The following ZEB1 variants were observed in gnomAD, a reference collection of about 807,000 sequenced individuals.
ZEB1 encodes zinc finger E-box-binding homeobox 1.
ZEB1 carries 21 observed loss-of-function variants against 84.9 expected under a neutral mutation model. The ratio of observed to expected loss-of-function variants is 0.25; its 90% CI spans 0.18 to 0.36. ZEB1 has a LOEUF of 0.36. ZEB1 is among the 10% of genes least tolerant of loss of function. ZEB1 has a pLI of 1.00. For synonymous variants in ZEB1, 420 were observed against 471.1 expected (o/e 0.89, Z 1.41); for missense variants, 1,104 against 1,330.2 (o/e 0.83, Z 2.65).
intron 1 of ZEB1, among the ~76,000 whole-genome samples, chr10:31,442,450 C>T (rs1388449752): frequency 1.3e-5 from 2 of 151,944 alleles, no homozygotes; most frequent in Non-Finnish European, 2.9e-5. Flanking sequence ...GGAGATACAC[C>T]TAATGTAAAT....
intron 1 of ZEB1, among the ~76,000 whole-genome samples, chr10:31,393,436 T>A (rs191652054): frequency 0.015 from 2,311 of 152,328 alleles, 36 homozygotes; most frequent in Non-Finnish European, 0.021. Context: ...ATTTTTACTT[T>A]GTATTCATCA....
chr10:31,488,805 A>T (rs146052387), intron 2 of ZEB1, among the ~76,000 whole-genome samples: 184 of 151,128 alleles, frequency 1.2e-3, no homozygotes, highest in African/African-American at 4.3e-3. Flanking sequence ...TCTTTTTCCT[A>T]TTGACATCTG....
chr10:31,363,222 C>T (rs763762514), intron 1 of ZEB1: 55 of 1,533,860 alleles, frequency 3.6e-5, no homozygotes, highest in Admixed American at 1.2e-4. Flanking sequence ...CCTTCAAGGC[C>T]GCCTTCTCTG....
At chr10:31,510,374 CA>C (rs904968191) in intron 4 of ZEB1, among the ~76,000 whole-genome samples, 1 of 152,108 alleles carries the variant, frequency 6.6e-6, no homozygotes, top group Non-Finnish European at 1.5e-5. Flanking sequence ...AATCACATGA[CA>C]AAAGGGAAGA....
rs200394515 is a variant in ZEB1, at chr10:31,452,662, T to C, written c.59-8375T>C. 1.8e-4 allele frequency among the ~76,000 whole-genome samples: 28 copies of C among 151,454 alleles called. No individual in the cohort carries two copies. The East Asian group carries it at 2.5e-3, about 14-fold the overall frequency. On this transcript the variant is annotated intron_variant, in intron 1 of 8. Coordinates refer to ENST00000424869, the MANE Select transcript of ZEB1 (RefSeq NM_001174096.2). ...TCAGCAAATAATTCTATACCTACTA[T>C]GTAGAAGGCAGTATGCCAGTGACTG... is the stretch of plus-strand genomic sequence containing the variant.
chr10:31,415,884 C>T (rs569361987), intron 1 of ZEB1, among the ~76,000 whole-genome samples: 91 of 152,126 alleles, frequency 6.0e-4, no homozygotes, highest in African/African-American at 1.9e-3. Flanking sequence ...CTCAGAATTT[C>T]TCCAGTGTTT....
rs767580895 is a variant in ZEB1 at position 31,461,040 on chromosome 10, C to T, written c.62C>T (p.Thr21Ile). ...KQANPRRNNV[T>I]NYNTVVETNS... ...TTGTTTCTTGTTTGTATTACAGTTA[C>T]AAATTATAATACTGTGGTAGAAACA... The change falls in exon 2 of 9, where the codon ACA becomes ATA. Residue 21 changes from threonine to isoleucine, a missense_variant. Thr to Ile is a moderately conservative substitution (Grantham distance 89). Transcript: ENST00000424869. 1 of 1,610,874 alleles carries T rather than the reference C, an allele frequency of 6.2e-7. No homozygotes were observed. The highest frequency in any genetic ancestry group is 1.3e-5 in the African/African-American group (1 of 74,760).
intron 1 of ZEB1, among the ~76,000 whole-genome samples, chr10:31,324,278 C>A (rs1285594598): frequency 6.6e-6 from 1 of 151,934 alleles, no homozygotes; most frequent in Non-Finnish European, 1.5e-5. Flanking sequence ...AAATGGCATA[C>A]CTCCTATGTA....
chr10:31,469,844 C>A (rs1191108389), intron 2 of ZEB1, among the ~76,000 whole-genome samples: 1 of 152,198 alleles, frequency 6.6e-6, no homozygotes, highest in East Asian at 1.9e-4. Flanking sequence ...CAGTGGTTCT[C>A]CCAGTACGCA....
At chr10:31,394,099 C>T (rs1366352214) in intron 1 of ZEB1, among the ~76,000 whole-genome samples, 1 of 152,078 alleles carries the variant, frequency 6.6e-6, no homozygotes, top group Non-Finnish European at 1.5e-5. Flanking sequence ...GGTCAGAAAA[C>T]AAAACTACAA....
intron 2 of ZEB1, among the ~76,000 whole-genome samples, chr10:31,479,882 C>G (rs1366381983): frequency 1.3e-5 from 2 of 151,884 alleles, no homozygotes; most frequent in African/African-American, 4.8e-5. Context: ...ACTTAAAATA[C>G]TATCAACTTT....
At chr10:31,467,822 AG>A (rs1260277842) in intron 2 of ZEB1, among the ~76,000 whole-genome samples, 1 of 151,994 alleles carries the variant, frequency 6.6e-6, no homozygotes, top group Non-Finnish European at 1.5e-5. Context: ...AGAATAGACT[AG>A]GAAGGGTATA....
intron 7 of ZEB1, among the ~76,000 whole-genome samples, chr10:31,523,481 C>T (rs900206259): frequency 1.3e-5 from 2 of 152,172 alleles, no homozygotes; most frequent in Admixed American, 6.6e-5. Flanking sequence ...AGAATGTTAG[C>T]TTTTGCTTAG....
chr10:31,362,364 AG>A (rs1321943311), intron 1 of ZEB1, among the ~76,000 whole-genome samples: 1 of 62,938 alleles, frequency 1.6e-5, no homozygotes, highest in Non-Finnish European at 3.3e-5. Flanking sequence ...CCCAGAGTGT[AG>A]GGGGGCCGGG....
chr10:31,364,969 A>G (rs1488433530), intron 1 of ZEB1, among the ~76,000 whole-genome samples: 1 of 152,222 alleles, frequency 6.6e-6, no homozygotes, highest in Admixed American at 6.5e-5. Flanking sequence ...GACGTAGGGC[A>G]GGAACTACCA....
intron 1 of ZEB1, among the ~76,000 whole-genome samples, chr10:31,415,809 T>C (rs2055122012): frequency 6.6e-6 from 1 of 152,096 alleles, no homozygotes; most frequent in Non-Finnish European, 1.5e-5. Context: ...CATAATACTT[T>C]ATAGCTGATT....
intron 1 of ZEB1, among the ~76,000 whole-genome samples, chr10:31,415,546 T>G (rs966806597): frequency 1.3e-5 from 2 of 152,068 alleles, no homozygotes; most frequent in Non-Finnish European, 2.9e-5. Context: ...AAAAAAAATC[T>G]TATTGGACTT....
intron 2 of ZEB1, among the ~76,000 whole-genome samples, chr10:31,487,868 A>G (rs184043884): frequency 5.9e-5 from 9 of 151,440 alleles, no homozygotes; most frequent in African/African-American, 9.6e-5. Context: ...TTCTGCATCA[A>G]TTGAAATGAT....
rs151038131 is a variant in ZEB1 at position 31,450,919 on chromosome 10, T to C, written c.59-10118T>C. ...GCGTGCGCATGTGTGCCTGTGTGTG[T>C]GTGTGTGCACATGCATGTATATCCT... On this transcript the variant is annotated intron_variant, in intron 1 of 8. Coordinates refer to ENST00000424869, the MANE Select transcript of ZEB1 (RefSeq NM_001174096.2). Among the ~76,000 whole-genome samples the C allele has an allele frequency of 7.0e-3, 1,065 of 152,262 alleles. 11 individuals are homozygous for C. Among genetic ancestry groups the C allele is most frequent in the African/African-American group, 0.023 (976 of 41,548 alleles).
Sources: gnomAD v4.1 joint callset for allele counts (sites outside exome capture counted in the v4.1 genomes callset) on GRCh38, gnomAD v4.1.1 for gene constraint, MANE v1.5 for transcripts, NCBI Gene and HGNC (gene_info 2026-07-23, HGNC 2026-07-21) for gene names.